Variants in MTERF4 observed in about 807,000 individuals in gnomAD.
MTERF4 encodes transcription termination factor 4, mitochondrial.
Under a neutral mutation model 22.5 loss-of-function variants are expected in MTERF4, and 17 were observed. The ratio of observed to expected loss-of-function variants is 0.75; its 90% CI spans 0.52 to 1.13. The LOEUF (loss-of-function observed/expected upper bound fraction) is 1.13, where lower values mean the gene tolerates loss of function less well. Among genes scored for constraint, MTERF4 ranks in the 50% most tolerant of loss-of-function variants. The pLI is 0.00. For missense variants in MTERF4, 420 were observed against 466.8 expected, an observed-to-expected ratio of 0.90 and a Z score of 0.92; for synonymous variants, 165 against 175.3, an observed-to-expected ratio of 0.94 and a Z score of 0.47.
chr2:241,064,865 G>A, the MTERF4 span: 3 of 1,588,036 alleles, frequency 1.9e-6, no homozygotes, highest in Non-Finnish European at 2.6e-6. The surrounding 1 kb of genome is among the most constrained non-coding windows in gnomAD (Gnocchi z 7.0). Context: ...TGCTTCTCCA[G>A]CCCCTGTGGG....
At chr2:241,052,695 G>A in the MTERF4 span, among the ~76,000 whole-genome samples, 5 of 66,176 alleles carry the variant, frequency 7.6e-5, 1 homozygote, top group Admixed American at 1.6e-4. Context: ...GTCGGCGGGG[G>A]GGGGGGGGGT....
chr2:241,102,057 A>AC (rs1408243854), intron 1 of MTERF4, 196 bp downstream of exon 1: 1 of 718,506 alleles, frequency 1.4e-6, no homozygotes, highest in African/African-American at 1.9e-5. Context: ...GTCTCAAAAA[A>AC]AAAAAATGTC....
At position 241,099,569 on chromosome 2, in the gene MTERF4, C is replaced by T. The variant is rs550888447; in HGVS notation, c.347G>A (p.Arg116Gln). ...NAHINELLSV[R>Q]RGASLQQLLD... Reference sequence around the variant, plus strand: ...CAACTGTTGAAGACTGGCACCTCGCCGTACACTGAGCAATTCATTAATATG... The same window carrying T: ...CAACTGTTGAAGACTGGCACCTCGCTGTACACTGAGCAATTCATTAATATG... The change falls in exon 2 of 4, where the codon CGG becomes CAG. Residue 116 changes from arginine to glutamine, a missense_variant. Transcript: ENST00000391980. 15 of 1,614,038 alleles carry T rather than the reference C, an allele frequency of 9.3e-6. No individual in the cohort carries two copies. Among genetic ancestry groups the T allele is most frequent in the Admixed American group, 3.3e-5 (2 of 60,004 alleles).
chr2:241,063,009 G>A, the MTERF4 span: 1 of 680,250 alleles, frequency 1.5e-6, no homozygotes, highest in Admixed American at 2.9e-5. Flanking sequence ...GGCCAGGGTG[G>A]CCACTGCATG....
At chr2:241,071,876 C>T, downstream of MTERF4, 1 of 1,599,398 alleles carries the variant, frequency 6.3e-7, no homozygotes, top group Non-Finnish European at 8.5e-7. Context: ...ACCGTGAGAT[C>T]ACGTGAGTGC....
the MTERF4 span, among the ~76,000 whole-genome samples, chr2:241,053,566 G>A: frequency 5.9e-5 from 9 of 152,218 alleles, no homozygotes; most frequent in African/African-American, 1.2e-4. Flanking sequence ...AGAGCAGCCC[G>A]GAGCAGGAGG....
chr2:241,063,872 T>C, the MTERF4 span: 1 of 736,204 alleles, frequency 1.4e-6, no homozygotes, highest in Non-Finnish European at 2.2e-6. Flanking sequence ...TGGGGAGGGC[T>C]GAGGGGCGGG....
chr2:241,049,909 T>G, the MTERF4 span: 1 of 1,613,616 alleles, frequency 6.2e-7, no homozygotes, highest in South Asian at 1.1e-5. Context: ...CCCGCGCGGG[T>G]TCCACGGCAA....
At chr2:241,081,400 T>TCC (rs1195955306) in intron 4 of MTERF4, among the ~76,000 whole-genome samples, 8 of 152,238 alleles carry the variant, frequency 5.3e-5, no homozygotes, top group East Asian at 1.9e-4. Flanking sequence ...TCCCTCCTCC[T>TCC]TCTCCTCCTC....
chr2:241,051,063 G>A, the MTERF4 span, among the ~76,000 whole-genome samples: 19 of 152,334 alleles, frequency 1.2e-4, no homozygotes, highest in Middle Eastern at 3.4e-3. The surrounding 1 kb of genome is among the most constrained non-coding windows in gnomAD (Gnocchi z 4.7). Context: ...GACCTGCAGC[G>A]TGGGATGGCT....
At chr2:241,048,849 G>T in the MTERF4 span, 3 of 1,293,778 alleles carry the variant, frequency 2.3e-6, no homozygotes, top group South Asian at 1.3e-5. Context: ...GCCGGGGTCC[G>T]TAGGTCCAGA....
In MTERF4 at chr2:241,100,721, A is replaced by AATAT. The variant is rs142098493; in HGVS notation, c.22-831_22-828dup. Among the ~76,000 whole-genome samples, 24 of 151,886 alleles carry AATAT rather than the reference A, an allele frequency of 1.6e-4. 1 individual carries two copies. In the East Asian group the frequency reaches 3.1e-3, roughly 20 times the overall value. ...AGCTTACTTTAAGAATACAGAATGC[A>AATAT]ATATATATATATACAAGATATGTGT... is the stretch of plus-strand genomic sequence containing the variant. On this transcript the variant is annotated intron_variant, in intron 1 of 3. Coordinates refer to ENST00000391980, the MANE Select transcript of MTERF4 (RefSeq NM_182501.4).
Position 241,096,602 on chromosome 2 carries a change from C to A in MTERF4, c.706-164G>T. The A allele has an allele frequency of 1.3e-6, 1 of 785,936 alleles. No individual in the cohort carries two copies. Among genetic ancestry groups the A allele is most frequent in the Non-Finnish European group, 2.2e-6 (1 of 449,948 alleles). The allele number at this position is 785,936 out of a possible 1,614,324, so 48.7% of individuals were successfully genotyped here. ...ATACTGACATTTGTGTGACAGCCAG[C>A]AGTTTCAAAACACTTTCAAATTCAT... On this transcript the variant is annotated intron_variant, in intron 3 of 3. Coordinates refer to ENST00000391980, the MANE Select transcript of MTERF4 (RefSeq NM_182501.4). This position sits in a 1 kb window ranked among gnomAD's most constrained non-coding sequence, Gnocchi z 5.1.
chr2:241,069,305 C>G (rs1340036984), downstream of MTERF4, among the ~76,000 whole-genome samples: 1 of 152,194 alleles, frequency 6.6e-6, no homozygotes, highest in African/African-American at 2.4e-5. This position sits in a 1 kb window ranked among gnomAD's most constrained non-coding sequence, Gnocchi z 4.9. Context: ...GGCCAGAGGA[C>G]CTCACTGGGC....
chr2:241,069,489 G>A (rs983630643), downstream of MTERF4, among the ~76,000 whole-genome samples: 2 of 152,166 alleles, frequency 1.3e-5, no homozygotes, highest in Non-Finnish European at 2.9e-5. This position sits in a 1 kb window ranked among gnomAD's most constrained non-coding sequence, Gnocchi z 4.9. Flanking sequence ...CAGAGGGGAG[G>A]CTGCAGCTCC....
chr2:241,071,613 A>T (rs1282586353), downstream of MTERF4: 2 of 1,587,954 alleles, frequency 1.3e-6, no homozygotes, highest in Admixed American at 3.4e-5. Context: ...GGCACCAGGG[A>T]GGACACCACC....
At chr2:241,078,593 C>G (rs1159402059) in intron 4 of MTERF4, among the ~76,000 whole-genome samples, 1 of 151,612 alleles carries the variant, frequency 6.6e-6, no homozygotes, top group East Asian at 1.9e-4. Flanking sequence ...AGAGGGAGCT[C>G]TCTAGTGACA....
At chr2:241,084,336 TAG>T (rs1382219484), downstream of MTERF4, among the ~76,000 whole-genome samples, 2 of 152,018 alleles carry the variant, frequency 1.3e-5, no homozygotes, top group African/African-American at 4.8e-5. Context: ...AAAGTTTACG[TAG>T]AGACAGGGTT....
chr2:241,069,090 G>C, downstream of MTERF4: 1 of 1,101,274 alleles, frequency 9.1e-7, no homozygotes, highest in South Asian at 1.5e-5. This position sits in a 1 kb window ranked among gnomAD's most constrained non-coding sequence, Gnocchi z 4.9. Flanking sequence ...CTTCCTTCCA[G>C]CCTCCCCTAG....
Sources: allele counts gnomAD v4.1 joint callset (sites outside exome capture counted in the v4.1 genomes callset), GRCh38; gene constraint gnomAD v4.1.1; non-coding constraint Gnocchi (gnomAD v3.1); transcripts MANE v1.5; gene names NCBI Gene and HGNC (gene_info 2026-07-23, HGNC 2026-07-21).